The following FILIP1 variants were observed in gnomAD, a reference collection of about 807,000 sequenced individuals.
FILIP1 encodes the protein filamin A interacting protein 1.
FILIP1 carries 61 observed loss-of-function variants against 102.1 expected under a neutral mutation model. The observed-to-expected ratio is 0.60, with a 90% CI of 0.49 to 0.74. FILIP1 has a LOEUF of 0.74. Among genes scored for constraint, FILIP1 ranks in the 30% least tolerant of loss-of-function variants. The pLI is 0.00. For synonymous variants in FILIP1, 491 were observed against 526.9 expected (o/e 0.93, Z 0.93); for missense variants, 1,314 against 1,441.2 (o/e 0.91, Z 1.43).
At chr6:75,383,269 C>CA (rs1433611695) in intron 2 of FILIP1, among the ~76,000 whole-genome samples, 1 of 152,112 alleles carries the variant, frequency 6.6e-6, no homozygotes, top group African/African-American at 2.4e-5. Flanking sequence ...GTGGAAATAG[C>CA]AAAATCCTAT....
At chr6:75,435,252 T>G (rs1777977543) in intron 1 of FILIP1, among the ~76,000 whole-genome samples, 2 of 152,230 alleles carry the variant, frequency 1.3e-5, no homozygotes, top group African/African-American at 2.4e-5. Context: ...GAAAAAGTAC[T>G]CTGTATTCTG....
At chr6:75,476,166 G>C (rs1037606133) in intron 1 of FILIP1, among the ~76,000 whole-genome samples, 1 of 151,346 alleles carries the variant, frequency 6.6e-6, no homozygotes, top group African/African-American at 2.4e-5. Flanking sequence ...ACTTAAACCT[G>C]GGAGGTGAAG....
intron 2 of FILIP1, among the ~76,000 whole-genome samples, chr6:75,408,724 A>G (rs931329319): frequency 6.6e-6 from 1 of 152,206 alleles, no homozygotes; most frequent in African/African-American, 2.4e-5. Flanking sequence ...TCCCCAAGTC[A>G]CTTTTAAGGT....
At chr6:75,327,422 A>C (rs542291594) in intron 4 of FILIP1, among the ~76,000 whole-genome samples, 1 of 152,094 alleles carries the variant, frequency 6.6e-6, no homozygotes, top group South Asian at 2.1e-4. Context: ...AATGATCCTA[A>C]AAGAGGGTAA....
chr6:75,351,049 C>T (rs976126715), intron 4 of FILIP1, among the ~76,000 whole-genome samples: 1 of 152,104 alleles, frequency 6.6e-6, no homozygotes, highest in African/African-American at 2.4e-5. Flanking sequence ...CAGCACAAGA[C>T]AGCATGATGG....
chr6:75,468,549 T>C (rs1386575998), intron 1 of FILIP1, among the ~76,000 whole-genome samples: 1 of 152,220 alleles, frequency 6.6e-6, no homozygotes, highest in Non-Finnish European at 1.5e-5. Context: ...TGACCTGTAA[T>C]ATTAATCCAA....
chr6:75,340,790 G>A (rs1312759432), intron 4 of FILIP1, among the ~76,000 whole-genome samples: 2 of 151,554 alleles, frequency 1.3e-5, no homozygotes. Context: ...CTGCCTCCCG[G>A]GTTCAAGCAA....
chr6:75,388,910 G>T (rs988689255), intron 2 of FILIP1, among the ~76,000 whole-genome samples: 16 of 152,130 alleles, frequency 1.1e-4, no homozygotes, highest in Non-Finnish European at 2.1e-4. Context: ...ATACTATGTT[G>T]AATAGGAGTG....
intron 2 of FILIP1, among the ~76,000 whole-genome samples, chr6:75,411,618 T>C (rs146543774): frequency 6.6e-6 from 1 of 152,204 alleles, no homozygotes; most frequent in African/African-American, 2.4e-5. Context: ...GGGTCCAGTT[T>C]CAGTTTTCTG....
At chr6:75,473,816 G>A (rs899788132) in intron 1 of FILIP1, 1 of 152,144 alleles carries the variant, frequency 6.6e-6, no homozygotes, top group Admixed American at 6.6e-5. Context: ...AACCACAGGA[G>A]TCAGCACATC....
intron 2 of FILIP1, among the ~76,000 whole-genome samples, chr6:75,376,364 G>C (rs1365375521): frequency 6.6e-6 from 1 of 152,154 alleles, no homozygotes; most frequent in Non-Finnish European, 1.5e-5. Context: ...AATGGGCATA[G>C]CAATAGCTAC....
intron 2 of FILIP1, 110 bp downstream of exon 2, chr6:75,414,587 C>T (rs1777187388): frequency 9.9e-7 from 1 of 1,014,586 alleles, no homozygotes; most frequent in Non-Finnish European, 1.5e-6. Flanking sequence ...GGGAAACATT[C>T]TCCTTTCCCC....
Position 75,313,934 on chromosome 6 carries a change from G to A in FILIP1, c.1898C>T (p.Thr633Ile). 1 of 1,612,538 alleles carries A rather than the reference G, an allele frequency of 6.2e-7. No individual in the cohort carries two copies. Among genetic ancestry groups the A allele is most frequent in the Non-Finnish European group, 8.5e-7 (1 of 1,179,506 alleles). Residue 633 changes from threonine to isoleucine, a missense_variant, in exon 5 of 6, where the codon ACA (threonine) becomes ATA (isoleucine). This residue lies in a region of FILIP1 where 816 missense variants were observed against 913.1 expected (regional missense o/e 0.89). Transcript: ENST00000237172. The surrounding 1 kb of genome is among the most constrained non-coding windows in gnomAD (Gnocchi z 4.2). ...CPEDNKIKEL[T>I]LEIERLKKRL... ...TTTCTTCAGTCTCTCAATTTCAAGTGTTAGTTCCTTAATCTTATTATCTTC... is the reference window on the plus strand; with the variant it reads ...TTTCTTCAGTCTCTCAATTTCAAGTATTAGTTCCTTAATCTTATTATCTTC...
At chr6:75,473,870 T>C (rs541767724) in intron 1 of FILIP1, 1 of 152,294 alleles carries the variant, frequency 6.6e-6, no homozygotes, top group South Asian at 2.1e-4. Context: ...ACCACCTTCA[T>C]GATCATGGTT....
At chr6:75,305,058 A>G (rs186142479), downstream of FILIP1, among the ~76,000 whole-genome samples, 1 of 152,326 alleles carries the variant, frequency 6.6e-6, no homozygotes, top group East Asian at 1.9e-4. Context: ...ATAGCAAGTG[A>G]AAACGAGAAG....
intron 1 of FILIP1, among the ~76,000 whole-genome samples, chr6:75,475,966 C>T (rs535668859): frequency 1.3e-5 from 2 of 152,212 alleles, no homozygotes; most frequent in African/African-American, 2.4e-5. Flanking sequence ...ATTGGCCAGG[C>T]GCTGTAGCTC....
intron 1 of FILIP1, among the ~76,000 whole-genome samples, chr6:75,475,428 T>C (rs1350834529): frequency 6.6e-6 from 1 of 152,186 alleles, no homozygotes; most frequent in East Asian, 1.9e-4. Flanking sequence ...GTATTTATGA[T>C]GGGTAGCCAT....
intron 1 of FILIP1, among the ~76,000 whole-genome samples, chr6:75,475,356 C>T (rs1404765036): frequency 6.6e-6 from 1 of 152,130 alleles, no homozygotes; most frequent in East Asian, 1.9e-4. Flanking sequence ...ATCCTGAGAG[C>T]AATCTGGCAG....
At chr6:75,459,245 A>G (rs993762806) in intron 1 of FILIP1, among the ~76,000 whole-genome samples, 4 of 152,170 alleles carry the variant, frequency 2.6e-5, no homozygotes, top group African/African-American at 4.8e-5. Context: ...ATTCCCTGCC[A>G]CTGCTTACTG....
Sources: allele counts gnomAD v4.1 joint callset (sites outside exome capture counted in the v4.1 genomes callset), GRCh38; gene constraint gnomAD v4.1.1; regional missense constraint gnomAD v4.1.1; non-coding constraint Gnocchi (gnomAD v3.1); transcripts MANE v1.5; gene names NCBI Gene and HGNC (gene_info 2026-07-23, HGNC 2026-07-21).